The following LINGO1 variants were observed in gnomAD, a reference collection of about 807,000 sequenced individuals.
LINGO1 encodes leucine-rich repeat and immunoglobulin-like domain-containing nogo receptor-interacting protein 1.
Under a neutral mutation model 37.3 loss-of-function variants are expected in LINGO1, and 11 were observed. The observed-to-expected ratio is 0.29, with a 90% confidence interval of 0.19 to 0.49. LINGO1 has a LOEUF of 0.49. Ranked by LOEUF, LINGO1 falls within the 20% of genes least tolerant of loss-of-function variation. LINGO1 has a pLI of 0.99. For synonymous variants in LINGO1, 387 were observed against 403.0 expected (o/e 0.96, Z 0.48); for missense variants, 585 against 878.2 (o/e 0.67, Z 4.22).
intron 1 of LINGO1, among the ~76,000 whole-genome samples, chr15:77,621,182 A>C (rs2073907436): frequency 6.6e-6 from 1 of 151,872 alleles, no homozygotes; most frequent in Non-Finnish European, 1.5e-5. Context: ...AGCCTCCCAG[A>C]TAGCTGCGAT....
At chr15:77,754,088 T>TG (rs922409466) in intron 1 of LINGO1, among the ~76,000 whole-genome samples, 7 of 137,374 alleles carry the variant, frequency 5.1e-5, no homozygotes, top group African/African-American at 1.9e-4. Flanking sequence ...GGAGCAGGGA[T>TG]GGGGGAAAGG....
chr15:77,790,314 A>T (rs1055092526), upstream of LINGO1, among the ~76,000 whole-genome samples: 2 of 152,230 alleles, frequency 1.3e-5, no homozygotes, highest in African/African-American at 4.8e-5. Context: ...GTAGGTGCTT[A>T]GTAAATGCTG....
chr15:77,712,156 C>G (rs2141294220), intron 2 of LINGO1, among the ~76,000 whole-genome samples: 1 of 152,286 alleles, frequency 6.6e-6, no homozygotes, highest in South Asian at 2.1e-4. Flanking sequence ...CTGGGGGTGC[C>G]CCTACTGCCT....
At chr15:77,749,932 C>T (rs1013316449) in intron 1 of LINGO1, among the ~76,000 whole-genome samples, 5 of 152,108 alleles carry the variant, frequency 3.3e-5, no homozygotes, top group Non-Finnish European at 7.4e-5. Context: ...CAATTTAATC[C>T]TCCCAGCAGC....
chr15:77,747,299 T>G (rs1413139818), intron 1 of LINGO1, among the ~76,000 whole-genome samples: 1 of 152,092 alleles, frequency 6.6e-6, no homozygotes, highest in Non-Finnish European at 1.5e-5. Flanking sequence ...GAGGGGACAT[T>G]GCAAGTCATC....
chr15:77,722,042 CCT>C (rs1399505855), intron 2 of LINGO1, among the ~76,000 whole-genome samples: 3 of 152,180 alleles, frequency 2.0e-5, no homozygotes, highest in Non-Finnish European at 4.4e-5. Flanking sequence ...TGCTCCCACC[CCT>C]CTCTGCACCT....
intron 1 of LINGO1, among the ~76,000 whole-genome samples, chr15:77,769,872 G>A (rs1233093810): frequency 6.6e-6 from 1 of 152,178 alleles, no homozygotes; most frequent in Non-Finnish European, 1.5e-5. Context: ...CAGCAGACGT[G>A]AGCCTGTGCA....
chr15:77,738,811 G>GGAAGGAAGGAAA (rs1567555960), intron 1 of LINGO1, among the ~76,000 whole-genome samples: 2 of 148,726 alleles, frequency 1.3e-5, no homozygotes, highest in Non-Finnish European at 3.0e-5. Context: ...AAGGAAGGAA[G>GGAAGGAAGGAAA]GAAAGAAGGA....
chr15:77,801,279 T>C (rs1015364121), intron 1 of LINGO1, among the ~76,000 whole-genome samples: 4 of 152,160 alleles, frequency 2.6e-5, no homozygotes, highest in Non-Finnish European at 4.4e-5. Flanking sequence ...CGTTTATCGA[T>C]AAGAGAAAGT....
At chr15:77,621,043 G>C (rs1014151539) in intron 1 of LINGO1, among the ~76,000 whole-genome samples, 1 of 151,224 alleles carries the variant, frequency 6.6e-6, no homozygotes, top group African/African-American at 2.5e-5. Flanking sequence ...CCCTGCTATG[G>C]GCCAGGTTTG....
At chr15:77,767,468 G>C (rs1432185046) in intron 1 of LINGO1, among the ~76,000 whole-genome samples, 1 of 152,152 alleles carries the variant, frequency 6.6e-6, no homozygotes, top group Non-Finnish European at 1.5e-5. Flanking sequence ...TCACAAAATG[G>C]GAGTGTAAAC....
At chr15:77,647,232 C>T (rs1567487005) in intron 3 of LINGO1, among the ~76,000 whole-genome samples, 1 of 152,040 alleles carries the variant, frequency 6.6e-6, no homozygotes. Flanking sequence ...GGATCAGGTC[C>T]TGGTTATGCC....
intron 3 of LINGO1, chr15:77,667,632 T>C (rs2075161129): frequency 6.6e-6 from 1 of 152,204 alleles, no homozygotes; most frequent in Non-Finnish European, 1.5e-5. Flanking sequence ...ATTAATGGGC[T>C]GACATTAACA....
chr15:77,768,358 T>A (rs2076550922), intron 1 of LINGO1, among the ~76,000 whole-genome samples: 1 of 152,206 alleles, frequency 6.6e-6, no homozygotes, highest in African/African-American at 2.4e-5. Context: ...AGAGGCCTCC[T>A]GAACTTTTCT....
At chr15:77,645,870 C>G (rs1050263172) in intron 3 of LINGO1, among the ~76,000 whole-genome samples, 2 of 152,238 alleles carry the variant, frequency 1.3e-5, no homozygotes, top group African/African-American at 4.8e-5. Context: ...AAGGGGACAG[C>G]CCAGGGGTGT....
Position 77,614,563 on chromosome 15 carries a change from G to A in LINGO1, c.1344C>T (p.Ala448=), listed in dbSNP as rs746550752. The change falls in exon 2 of 2, where the codon GCC becomes GCT. Residue 448 remains alanine, a synonymous_variant. Transcript: ENST00000355300. ...EGHTVQFVCR[A]DGDPPPAILW... is the part of the protein sequence containing the mutation. ...GGATGGCGGGCGGCGGGTCGCCATCGGCCCGGCACACAAACTGCACCGTGT... is the reference window on the plus strand; with the variant it reads ...GGATGGCGGGCGGCGGGTCGCCATCAGCCCGGCACACAAACTGCACCGTGT... 6.2e-6 allele frequency: 10 copies of A among 1,610,258 alleles called. No homozygotes were observed. The highest frequency in any genetic ancestry group is 8.5e-6 in the Non-Finnish European group (10 of 1,179,066).
intron 1 of LINGO1, chr15:77,819,247 GCGTCCCGGCCCGGCCACACTCAC>G (rs1329284565): frequency 2.0e-5 from 3 of 149,072 alleles, no homozygotes; most frequent in Non-Finnish European, 4.5e-5. Flanking sequence ...CCCCGCTGCA[GCGTCCCGGCCCGGCCACACTCAC>G]CGTCCCGGGC....
chr15:77,618,984 C>T (rs927768689), intron 1 of LINGO1, among the ~76,000 whole-genome samples: 5 of 152,122 alleles, frequency 3.3e-5, no homozygotes, highest in South Asian at 4.1e-4. Context: ...AAAAATTATG[C>T]TACAAGATGA....
At chr15:77,697,084 C>T (rs952093748), upstream of LINGO1, among the ~76,000 whole-genome samples, 5 of 152,228 alleles carry the variant, frequency 3.3e-5, no homozygotes, top group African/African-American at 1.2e-4. Context: ...CTTAAGGCTG[C>T]CGTGAGCTGT....
Sources: allele counts gnomAD v4.1 joint callset (sites outside exome capture counted in the v4.1 genomes callset), GRCh38; gene constraint gnomAD v4.1.1; transcripts MANE v1.5; gene names NCBI Gene and HGNC (gene_info 2026-07-23, HGNC 2026-07-21).